ASPM: variants seen among roughly 807,000 people sequenced by gnomAD.
ASPM encodes the protein abnormal spindle-like microcephaly-associated protein.
In ASPM, 256 loss-of-function variants were observed where a neutral mutation model predicts 366.4. The observed-to-expected ratio is 0.70, with a 90% confidence interval of 0.63 to 0.77. The LOEUF (loss-of-function observed/expected upper bound fraction) is 0.77, where lower values mean the gene tolerates loss of function less well. Among genes scored for constraint, ASPM ranks in the 30% least tolerant of loss-of-function variants. The pLI is 0.00. For missense variants in ASPM, 4,146 were observed against 4,090.4 expected (o/e 1.01, Z -0.37); for synonymous variants, 1,414 against 1,342.9 (o/e 1.05, Z -1.16).
intron 16 of ASPM, among the ~76,000 whole-genome samples, chr1:197,118,349 G>A (rs1257807047): frequency 1.3e-5 from 2 of 151,962 alleles, no homozygotes; most frequent in African/African-American, 4.8e-5. Context: ...GGAAAGGGGA[G>A]GATTGTATGA....
intron 12 of ASPM, among the ~76,000 whole-genome samples, 154 bp downstream of exon 12, chr1:197,124,692 TATATATATATACACATATATATAC>T (rs1658028497): frequency 6.6e-6 from 1 of 151,486 alleles, no homozygotes; most frequent in African/African-American, 2.4e-5. Flanking sequence ...GATTGAAATA[TATATATATATACACATATATATAC>T]ATATATATAT....
At chr1:197,131,579 G>A (rs1658255002) in intron 7 of ASPM, among the ~76,000 whole-genome samples, 1 of 144,352 alleles carries the variant, frequency 6.9e-6, no homozygotes, top group Non-Finnish European at 1.5e-5. Context: ...TTGAGAAGGA[G>A]TCTCGCTCTG....
At chr1:197,084,878 G>C (rs1225279877) in intron 27 of ASPM, among the ~76,000 whole-genome samples, 1 of 152,024 alleles carries the variant, frequency 6.6e-6, no homozygotes, top group Non-Finnish European at 1.5e-5. Flanking sequence ...GTCATCATCA[G>C]AAAGTGTGCG....
intron 4 of ASPM, among the ~76,000 whole-genome samples, chr1:197,137,468 G>A (rs1273673122): frequency 1.3e-5 from 2 of 152,138 alleles, no homozygotes; most frequent in African/African-American, 2.4e-5. Context: ...AAAAGTCATC[G>A]TAGGCCGGGC....
intron 17 of ASPM, among the ~76,000 whole-genome samples, chr1:197,107,746 G>T (rs778139835): frequency 3.9e-5 from 6 of 152,038 alleles, no homozygotes; most frequent in Non-Finnish European, 7.4e-5. Flanking sequence ...GAGAATAGTA[G>T]AACCGAAAAA....
intron 27 of ASPM, among the ~76,000 whole-genome samples, chr1:197,085,657 A>G (rs1168627840): frequency 1.3e-5 from 2 of 152,224 alleles, no homozygotes; most frequent in Admixed American, 1.3e-4. Context: ...ACAAAAAGCT[A>G]TCTACTATAT....
At position 197,093,050 on chromosome 1, in the gene ASPM, A is replaced by G. The variant is rs199503603; in HGVS notation, c.9294+2T>C. 295 of 1,595,804 alleles carry G rather than the reference A, an allele frequency of 1.8e-4. No homozygotes were observed. The highest frequency in any genetic ancestry group is 2.3e-4 in the Non-Finnish European group (264 of 1,164,922). ...TGAGATATGCTACTTGAAAATACTTACTCTTTTTCGTACTAGCCAACCACG... is the reference window on the plus strand; with the variant it reads ...TGAGATATGCTACTTGAAAATACTTGCTCTTTTTCGTACTAGCCAACCACG... On this transcript the variant is annotated splice_donor_variant, in intron 21 of 27. Coordinates refer to ENST00000367409, the MANE Select transcript of ASPM (RefSeq NM_018136.5). LOFTEE classifies it high-confidence loss of function.
chr1:197,093,210 T>C lies in ASPM; in HGVS notation c.9136A>G (p.Arg3046Gly). Reference protein sequence around the residue: ...IQAHYRGYKGRQVFLRQKSAA... With the variant: ...IQAHYRGYKGGQVFLRQKSAA... ...GATTTCTGCCGAAGAAAGACCTGCC[T>C]TCCTTTATATCCTCTATAATGTGCT... Residue 3046 changes from arginine to glycine, a missense_variant, in exon 21 of 28, where the codon AGG becomes GGG. This residue lies in a region of ASPM where 3,624 missense variants were observed against 3,591.7 expected (regional missense o/e 1.01). Coordinates refer to ENST00000367409, the MANE Select transcript of ASPM (RefSeq NM_018136.5). 1 of 1,612,650 alleles carries C rather than the reference T, an allele frequency of 6.2e-7. No individual in the cohort carries two copies. The highest frequency in any genetic ancestry group is 1.1e-5 in the South Asian group (1 of 91,068).
At chr1:197,137,311 T>C (rs964740425) in intron 4 of ASPM, among the ~76,000 whole-genome samples, 3 of 152,242 alleles carry the variant, frequency 2.0e-5, no homozygotes, top group African/African-American at 4.8e-5. Flanking sequence ...TGCCGCTATG[T>C]GTCAGACATT....
chr1:197,122,522 T>C lies in ASPM; in HGVS notation c.3464A>G (p.Tyr1155Cys). 6.2e-7 allele frequency: 1 copy of C among 1,613,486 alleles called. No homozygotes were observed. The highest frequency in any genetic ancestry group is 2.2e-5 in the East Asian group (1 of 44,862). Residue 1155 changes from tyrosine to cysteine, a missense_variant, in exon 14 of 28, where the codon TAT becomes TGT. Tyr to Cys is a radical substitution (Grantham distance 194). Coordinates refer to ENST00000367409, the MANE Select transcript of ASPM (RefSeq NM_018136.5). ...CTGACATATAGCGTCAAATGGCACA[T>C]AGCAAGGATGGTAATGGTGGATCAG... ...CYLIHHYHPC[Y>C]VPFDAICQRT...
chr1:197,120,962 G>GA (rs951993385), intron 16 of ASPM, among the ~76,000 whole-genome samples: 3 of 152,068 alleles, frequency 2.0e-5, no homozygotes, highest in Admixed American at 1.3e-4. Flanking sequence ...GGTGTGAAAT[G>GA]AAAAAACACA....
chr1:197,100,638 C>A lies in ASPM; in HGVS notation c.8613G>T (p.Arg2871Ser), dbSNP rs776783279. 1 of 1,612,140 alleles carries A rather than the reference C, an allele frequency of 6.2e-7. No individual in the cohort carries two copies. The highest frequency in any genetic ancestry group is 2.2e-5 in the East Asian group (1 of 44,780). Reference protein sequence around the residue: ...RAAITLQHYFRTWQTRKQFLL... With the variant: ...RAAITLQHYFSTWQTRKQFLL... Reference sequence around the variant, plus strand: ...AAAACTGTTTTCTGGTTTGCCACGTCCTAAAATAATGCTGTAAAGTGATAG... The same window carrying A: ...AAAACTGTTTTCTGGTTTGCCACGTACTAAAATAATGCTGTAAAGTGATAG... The change falls in exon 18 of 28, where the codon AGG (arginine) becomes AGT (serine). Residue 2871 changes from arginine (R) to serine (S), a missense_variant. By Grantham distance (110) the Arg-to-Ser change is moderately radical. Around this residue, in one of 3 missense-constraint regions of ASPM, gnomAD observed 3,624 missense variants for 3,591.7 expected, o/e 1.01. Transcript: ENST00000367409.
At chr1:197,124,416 TATTTAG>T (rs1658020363) in intron 12 of ASPM, 85 bp from the exon 13 acceptor site, 1 of 987,990 alleles carries the variant, frequency 1.0e-6, no homozygotes, top group Non-Finnish European at 1.5e-6. Context: ...AACTGTCTTC[TATTTAG>T]AGAAACTGTA....
rs117580465 is a variant in ASPM at position 197,133,293 on chromosome 1, C to A, written c.2419+57G>T. 5.4e-4 allele frequency: 837 copies of A among 1,554,674 alleles called. 8 individuals carry two copies. The East Asian group carries it at 0.018, about 33-fold the overall frequency. ...TCAATAAAGCCGGGGGAAAAAAACA[C>A]AAAATCTCTTGAATGTTTTTAAAGA... On this transcript the variant is annotated intron_variant, in intron 6 of 27. Transcript: ENST00000367409.
In ASPM at chr1:197,086,652, T is replaced by C. The variant is rs10733087; in HGVS notation, c.10331+151A>G. ...TTATTTCTTTATTTACCAAGACTGCTTCTTTTAAATTTACCAAACATTCCA... is the reference window on the plus strand; with the variant it reads ...TTATTTCTTTATTTACCAAGACTGCCTCTTTTAAATTTACCAAACATTCCA... On this transcript the variant is annotated intron_variant, in intron 27 of 27. Transcript: ENST00000367409. 0.87 allele frequency: 624,622 copies of C among 716,246 alleles called. 278,520 individuals are homozygous for C. The highest frequency in any genetic ancestry group is 1 in the East Asian group (39,494 of 39,502). 44.4% of individuals were successfully genotyped at this position (716,246 alleles called of 1,614,324 possible).
chr1:197,142,651 T>C lies in ASPM; in HGVS notation c.1601A>G (p.Asn534Ser), dbSNP rs772324690. 1.2e-6 allele frequency: 2 copies of C among 1,612,012 alleles called. No individual in the cohort carries two copies. Among genetic ancestry groups the C allele is most frequent in the Non-Finnish European group, 1.7e-6 (2 of 1,178,622 alleles). Residue 534 changes from asparagine (N) to serine (S), a missense_variant, in exon 3 of 28, where the codon AAT becomes AGT. Around this residue, in one of 3 missense-constraint regions of ASPM, gnomAD observed 3,624 missense variants for 3,591.7 expected, o/e 1.01. Transcript: ENST00000367409. ...ATGAAAATCTTCTTTTTCCTTTTGATTATTTATTACTTTTTCATGTTCACC... is the reference window on the plus strand; with the variant it reads ...ATGAAAATCTTCTTTTTCCTTTTGACTATTTATTACTTTTTCATGTTCACC... The part of the protein sequence containing the change: ...AVGEHEKVIN[N>S]QKEKEDFHSY...
At position 197,146,661 on chromosome 1, in the gene ASPM, T is replaced by C. The variant is rs1377191209; in HGVS notation, c.-224A>G. 2 of 594,796 alleles carry C rather than the reference T, an allele frequency of 3.4e-6. No individual in the cohort carries two copies. The highest frequency in any genetic ancestry group is 3.7e-5 in the African/African-American group (2 of 53,574). 36.8% of individuals were successfully genotyped at this position (594,796 alleles called of 1,614,324 possible). A position where few individuals can be genotyped will look rare whatever the true frequency, so the allele number is the denominator to read the frequency against. On this transcript the variant is annotated 5_prime_UTR_variant, in exon 1 of 28. Transcript: ENST00000367409. ...AAGAGGAGCCAAACAAGTATGGCGT[T>C]TTGACTCTGTTTAAACTTGCCGCCT... is the stretch of plus-strand genomic sequence containing the variant.
At position 197,102,344 on chromosome 1, in the gene ASPM, T is replaced by A; in HGVS notation, c.6907A>T (p.Lys2303Ter). ...ACCTGAAGGAACTGTAAGTGATGCTTTGTACAAAGATGTGCCCGATATTTT... is the reference window on the plus strand; with the variant it reads ...ACCTGAAGGAACTGTAAGTGATGCTATGTACAAAGATGTGCCCGATATTTT... ...QRKYRAHLCT[K>*]HHLQFLQVQN... Residue 2303 changes from lysine (K) to a stop codon, truncating the protein, a stop_gained, in exon 18 of 28, where the codon AAG becomes TAG. Coordinates refer to ENST00000367409, the MANE Select transcript of ASPM (RefSeq NM_018136.5). LOFTEE classifies it high-confidence loss of function. 6.2e-7 allele frequency: 1 copy of A among 1,612,806 alleles called. No individual in the cohort carries two copies. Among genetic ancestry groups the A allele is most frequent in the Non-Finnish European group, 8.5e-7 (1 of 1,179,262 alleles).
chr1:197,098,513 AT>A lies in ASPM; in HGVS notation c.8820+1917del, dbSNP rs546607115. Among the ~76,000 whole-genome samples, 498 of 151,878 alleles carry A rather than the reference AT, an allele frequency of 3.3e-3. 2 individuals carry two copies. Among genetic ancestry groups the A allele is most frequent in the Middle Eastern group, 0.014 (4 of 294 alleles). ...AGATTGTTATTTTGGCTATTTAATC[AT>A]TTTAAGTGAATAAAACCATAACTAA... On this transcript the variant is annotated intron_variant, in intron 18 of 27. Coordinates refer to ENST00000367409, the MANE Select transcript of ASPM (RefSeq NM_018136.5).
Sources: gnomAD v4.1 joint callset for allele counts (sites outside exome capture counted in the v4.1 genomes callset) on GRCh38, gnomAD v4.1.1 for gene constraint, gnomAD v4.1.1 regional missense constraint, MANE v1.5 for transcripts, NCBI Gene and HGNC (gene_info 2026-07-23, HGNC 2026-07-21) for gene names.